Variants in ERC2 observed in about 807,000 individuals in gnomAD.
The protein encoded by ERC2 is ERC protein 2.
A neutral mutation model predicts 114.8 loss-of-function variants in ERC2; 42 were observed. The observed-to-expected ratio is 0.37, with a 90% CI of 0.29 to 0.47. The LOEUF (loss-of-function observed/expected upper bound fraction) is 0.47, where lower values mean the gene tolerates loss of function less well. Among genes scored for constraint, ERC2 ranks in the 20% least tolerant of loss-of-function variants. The pLI is 0.99. For synonymous variants in ERC2, 454 were observed against 425.5 expected (o/e 1.07, Z -0.82); for missense variants, 939 against 1,150.7 (o/e 0.82, Z 2.66).
intron 14 of ERC2, among the ~76,000 whole-genome samples, chr3:55,805,120 T>A (rs534898431): frequency 3.7e-4 from 56 of 152,170 alleles, no homozygotes; most frequent in African/African-American, 1.2e-3. Flanking sequence ...TATTGAGTAC[T>A]TACTGCCAAT....
At chr3:56,372,105 A>G (rs1490860337) in intron 2 of ERC2, among the ~76,000 whole-genome samples, 1 of 152,194 alleles carries the variant, frequency 6.6e-6, no homozygotes, top group Non-Finnish European at 1.5e-5. Flanking sequence ...AAATGAGCTA[A>G]AGAGTCTGTG....
chr3:56,054,099 T>C (rs1282288056), intron 7 of ERC2, among the ~76,000 whole-genome samples: 1 of 152,182 alleles, frequency 6.6e-6, no homozygotes, highest in Non-Finnish European at 1.5e-5. Flanking sequence ...ATTACACCCA[T>C]TTTGTTCTTA....
At chr3:55,587,412 T>C (rs2057658546) in intron 17 of ERC2, among the ~76,000 whole-genome samples, 3 of 152,258 alleles carry the variant, frequency 2.0e-5, no homozygotes, top group Admixed American at 2.0e-4. Context: ...GGTGCATTAA[T>C]GCAGAGTGCA....
intron 1 of ERC2, among the ~76,000 whole-genome samples, chr3:56,458,849 A>G (rs1029910743): frequency 6.6e-6 from 1 of 152,238 alleles, no homozygotes; most frequent in African/African-American, 2.4e-5. Flanking sequence ...GTCAATGTAA[A>G]AAAAGAGTCA....
At chr3:56,407,560 C>T (rs2060776443) in intron 2 of ERC2, among the ~76,000 whole-genome samples, 1 of 152,196 alleles carries the variant, frequency 6.6e-6, no homozygotes, top group Non-Finnish European at 1.5e-5. Flanking sequence ...ACCAGAACTT[C>T]TCACACTTAT....
chr3:55,783,813 C>T (rs748562866), intron 14 of ERC2, among the ~76,000 whole-genome samples: 1 of 152,204 alleles, frequency 6.6e-6, no homozygotes, highest in Non-Finnish European at 1.5e-5. Context: ...AAGGTCCCAA[C>T]ACTGAAAGCC....
intron 14 of ERC2, among the ~76,000 whole-genome samples, chr3:55,767,213 C>T (rs2149012458): frequency 6.6e-6 from 1 of 152,322 alleles, no homozygotes; most frequent in South Asian, 2.1e-4. Flanking sequence ...GTTCCAGTGG[C>T]ATAATTAGTT....
At chr3:55,563,522 A>G (rs539764389) in intron 17 of ERC2, among the ~76,000 whole-genome samples, 1 of 152,288 alleles carries the variant, frequency 6.6e-6, no homozygotes, top group East Asian at 1.9e-4. Flanking sequence ...TGATGGGTTC[A>G]AGGTTGGGTA....
chr3:56,310,883 T>TA (rs993926347), intron 2 of ERC2, among the ~76,000 whole-genome samples: 17 of 145,448 alleles, frequency 1.2e-4, no homozygotes, highest in South Asian at 2.2e-4. Context: ...TCCCTAAACT[T>TA]AAAAAAAAAA....
At position 56,434,822 on chromosome 3, in the gene ERC2, C is replaced by T. The variant is rs1310115716; in HGVS notation, c.186G>A (p.Met62Ile). 1.2e-6 allele frequency: 2 copies of T among 1,613,842 alleles called. No individual in the cohort carries two copies. The highest frequency in any genetic ancestry group is 8.5e-7 in the Non-Finnish European group (1 of 1,179,904). Residue 62 changes from methionine to isoleucine, a missense_variant, in exon 2 of 18, where the codon ATG becomes ATA. Physicochemically the swap from Met to Ile is conservative, Grantham distance 10. Around this residue, in one of 5 missense-constraint regions of ERC2, gnomAD observed 281 missense variants for 307.4 expected, o/e 0.91. Coordinates refer to ENST00000288221, the MANE Select transcript of ERC2 (RefSeq NM_015576.3). ...CCACCCCTTCATGATCACTCAGATA[C>T]ATGGGTCCAGACGTAGCATAGGCTG... is the stretch of plus-strand genomic sequence containing the variant. ...LNAAYATSGP[M>I]YLSDHEGVAS...
chr3:56,394,805 A>C (rs1174181932), intron 2 of ERC2, among the ~76,000 whole-genome samples: 2 of 152,198 alleles, frequency 1.3e-5, no homozygotes, highest in South Asian at 2.1e-4. Context: ...AAAACAGTCT[A>C]ATAGTCCTAA....
chr3:55,636,502 G>A (rs920414848), intron 17 of ERC2, among the ~76,000 whole-genome samples: 1 of 152,160 alleles, frequency 6.6e-6, no homozygotes, highest in Non-Finnish European at 1.5e-5. Flanking sequence ...ACAGTGCATA[G>A]AGCACCTTAG....
At chr3:55,639,385 C>T (rs866430063) in intron 17 of ERC2, among the ~76,000 whole-genome samples, 28 of 151,922 alleles carry the variant, frequency 1.8e-4, no homozygotes, top group African/African-American at 6.5e-4. Context: ...CTGAGGCCAG[C>T]GAAGACAATG....
At chr3:55,657,650 G>T (rs1196792078) in intron 17 of ERC2, 2 of 151,976 alleles carry the variant, frequency 1.3e-5, no homozygotes, top group Non-Finnish European at 2.9e-5. Flanking sequence ...AATAGAGAGA[G>T]GATTTTGCCA....
intron 17 of ERC2, among the ~76,000 whole-genome samples, chr3:55,655,331 A>T (rs1339214931): frequency 1.3e-5 from 2 of 152,182 alleles, no homozygotes; most frequent in South Asian, 2.1e-4. Context: ...TGCTTCCAGG[A>T]ACCCAAACTC....
chr3:55,686,336 T>C (rs77871036), intron 16 of ERC2, among the ~76,000 whole-genome samples: 3,253 of 152,364 alleles, frequency 0.021, 51 homozygotes, highest in Middle Eastern at 0.054. Context: ...TAAAAGTTTT[T>C]AGTTTTTTAA....
Position 55,888,538 on chromosome 3 carries a change from C to T in ERC2, c.2415G>A (p.Leu805=). The T allele has an allele frequency of 6.2e-7, 1 of 1,613,832 alleles. No homozygotes were observed. The highest frequency in any genetic ancestry group is 1.1e-5 in the South Asian group (1 of 91,066). ...GTCTGGTCTTCTCCAGTGCATTCATCAGTTCCTCTATCTGAAAGGCACATG... is the reference window on the plus strand; with the variant it reads ...GTCTGGTCTTCTCCAGTGCATTCATTAGTTCCTCTATCTGAAAGGCACATG... ...DNSQHLQIEE[L]MNALEKTRQE... Residue 805 remains leucine (L), a synonymous_variant, in exon 14 of 18, where the codon CTG becomes CTA. Coordinates refer to ENST00000288221, the MANE Select transcript of ERC2 (RefSeq NM_015576.3).
intron 17 of ERC2, among the ~76,000 whole-genome samples, chr3:55,552,281 C>A (rs2055262874): frequency 6.6e-6 from 1 of 152,146 alleles, no homozygotes; most frequent in African/African-American, 2.4e-5. Context: ...GGGTTGGGGG[C>A]AGGGAAAAAG....
chr3:56,422,519 C>A (rs2107243745), intron 2 of ERC2, among the ~76,000 whole-genome samples: 1 of 152,232 alleles, frequency 6.6e-6, no homozygotes, highest in South Asian at 2.1e-4. Flanking sequence ...CTCCTGCTGG[C>A]CCTCCCTCCT....
Sources: gnomAD v4.1 joint callset for allele counts (sites outside exome capture counted in the v4.1 genomes callset) on GRCh38, gnomAD v4.1.1 for gene constraint, gnomAD v4.1.1 regional missense constraint, MANE v1.5 for transcripts, NCBI Gene and HGNC (gene_info 2026-07-23, HGNC 2026-07-21) for gene names.